The following NUP214 variants were observed in gnomAD, a reference collection of about 807,000 sequenced individuals.
NUP214 encodes the protein nuclear pore complex protein Nup214.
Under a neutral mutation model 196.2 loss-of-function variants are expected in NUP214, and 79 were observed. The ratio of observed to expected loss-of-function variants is 0.40; its 90% confidence interval spans 0.34 to 0.49. The LOEUF is 0.49. Ranked by LOEUF, NUP214 falls within the 20% of genes least tolerant of loss-of-function variation. The pLI, the probability that NUP214 is intolerant of heterozygous loss-of-function variation, is 0.58. For synonymous variants in NUP214, 1,020 were observed against 990.5 expected (o/e 1.03, Z -0.56); for missense variants, 2,468 against 2,539.0 (o/e 0.97, Z 0.60).
intron 24 of NUP214, among the ~76,000 whole-genome samples, chr9:131,186,283 A>G (rs1025100268): frequency 5.9e-5 from 9 of 152,232 alleles, no homozygotes; most frequent in Non-Finnish European, 1.3e-4. Flanking sequence ...GTTTTGTTTC[A>G]TTGAACATAA....
At chr9:131,215,695 A>G (rs976442817) in intron 31 of NUP214, among the ~76,000 whole-genome samples, 2 of 152,102 alleles carry the variant, frequency 1.3e-5, no homozygotes, top group African/African-American at 4.8e-5. Flanking sequence ...ACAAGCATAA[A>G]TGAGCAGCAG....
At chr9:131,229,499 G>T (rs1287504853) in intron 33 of NUP214, 3 of 342,356 alleles carry the variant, frequency 8.8e-6, no homozygotes, top group African/African-American at 4.4e-5. Context: ...CTTGTGAATT[G>T]ATTTATTTAT....
chr9:131,225,668 A>G (rs1834700301), intron 32 of NUP214, among the ~76,000 whole-genome samples: 1 of 152,102 alleles, frequency 6.6e-6, no homozygotes. Flanking sequence ...CAGAACTCGT[A>G]TTGGTTCTGG....
intron 32 of NUP214, among the ~76,000 whole-genome samples, chr9:131,226,384 G>T (rs1266405400): frequency 6.6e-6 from 1 of 151,786 alleles, no homozygotes; most frequent in Admixed American, 6.6e-5. Flanking sequence ...GTTTAATTTG[G>T]CTGTGACCCA....
chr9:131,131,052 T>C (rs1001705344), intron 5 of NUP214, among the ~76,000 whole-genome samples: 3 of 152,236 alleles, frequency 2.0e-5, no homozygotes, highest in African/African-American at 7.2e-5. Flanking sequence ...TTCCATACTT[T>C]TCTGGATGTT....
chr9:131,130,161 T>TTTTTTTTTTTTTTTTTTTTTTTTTTTTTG (rs1554728091), intron 4 of NUP214, among the ~76,000 whole-genome samples: 1 of 136,412 alleles, frequency 7.3e-6, no homozygotes, highest in Non-Finnish European at 1.6e-5. Flanking sequence ...GTTTTTTTTT[T>TTTTTTTTTTTTTTTTTTTTTTTTTTTTTG]GAGACAGAGT....
intron 4 of NUP214, among the ~76,000 whole-genome samples, chr9:131,130,161 T>TTTTTTTTTTTTTTTTTTTTTTG (rs1554728091): frequency 5.9e-5 from 8 of 136,412 alleles, no homozygotes; most frequent in Non-Finnish European, 1.1e-4. Flanking sequence ...GTTTTTTTTT[T>TTTTTTTTTTTTTTTTTTTTTTG]GAGACAGAGT....
At chr9:131,143,181 AT>A (rs1029277461) in intron 11 of NUP214, among the ~76,000 whole-genome samples, 1 of 151,332 alleles carries the variant, frequency 6.6e-6, no homozygotes, top group Non-Finnish European at 1.5e-5. Context: ...TGATTTTTGT[AT>A]TTTTTTTGTA....
chr9:131,190,222 A>G (rs1021233382), intron 26 of NUP214: 8 of 438,116 alleles, frequency 1.8e-5, no homozygotes, highest in African/African-American at 1.4e-4. Context: ...TAAAAGGAAA[A>G]TTATATAGTA....
chr9:131,168,289 T>C (rs990205207), intron 21 of NUP214, among the ~76,000 whole-genome samples: 2 of 152,238 alleles, frequency 1.3e-5, no homozygotes, highest in Non-Finnish European at 2.9e-5. Flanking sequence ...CCTCTATCTC[T>C]AGGTAATGAA....
At chr9:131,153,383 T>C (rs1832330906) in intron 17 of NUP214, 1 of 152,200 alleles carries the variant, frequency 6.6e-6, no homozygotes, top group Non-Finnish European at 1.5e-5. Context: ...TGGTTCCTTC[T>C]TCAAGATAGA....
chr9:131,208,629 A>G (rs1341910973), intron 30 of NUP214, among the ~76,000 whole-genome samples: 2 of 150,378 alleles, frequency 1.3e-5, no homozygotes, highest in South Asian at 2.1e-4. Context: ...CCCAGGAGGC[A>G]GAGCTTGCAG....
At chr9:131,126,916 C>T (rs1304252960) in intron 1 of NUP214, 4 of 152,124 alleles carry the variant, frequency 2.6e-5, no homozygotes, top group South Asian at 2.1e-4. Context: ...GTGTCATATT[C>T]CTCAGATATG....
At chr9:131,181,680 CTT>C (rs1296590898) in intron 24 of NUP214, among the ~76,000 whole-genome samples, 1 of 152,186 alleles carries the variant, frequency 6.6e-6, no homozygotes, top group South Asian at 2.1e-4. Flanking sequence ...ATTAGGTTGT[CTT>C]TTTATTTTTG....
intron 33 of NUP214, chr9:131,230,396 T>C: frequency 1.9e-6 from 1 of 526,420 alleles, no homozygotes; most frequent in Non-Finnish European, 3.4e-6. Flanking sequence ...ACTAAAACAC[T>C]GGCCAGGTTG....
chr9:131,198,477 C>G lies in NUP214; in HGVS notation c.4983C>G (p.Thr1661=). The part of the protein sequence containing the change: ...ASSSSAFNQL[T]NNTATAPSAT... ...CTAGCTCAGCTTTCAACCAGCTCAC[C>G]AACAACACAGCCACTGCCCCCTCTG... The change falls in exon 29 of 36, where the codon ACC becomes ACG. Residue 1661 remains threonine, a synonymous_variant. Transcript: ENST00000359428. The G allele has an allele frequency of 6.2e-7, 1 of 1,614,156 alleles. No homozygotes were observed. Among genetic ancestry groups the G allele is most frequent in the East Asian group, 2.2e-5 (1 of 44,832 alleles).
intron 17 of NUP214, 22 bp from the exon 18 acceptor site, chr9:131,159,359 TGC>T (rs1195096855): frequency 1.3e-6 from 2 of 1,565,838 alleles, no homozygotes; most frequent in Non-Finnish European, 1.8e-6. Context: ...ACAAGTTATT[TGC>T]CTTTTAATTT....
chr9:131,187,182 C>G, intron 24 of NUP214, 107 bp from the exon 25 acceptor site: 2 of 903,166 alleles, frequency 2.2e-6, no homozygotes, highest in Non-Finnish European at 3.6e-6. Flanking sequence ...CATCTGTATC[C>G]TACCCAAAAC....
chr9:131,176,886 G>A (rs894893037), intron 23 of NUP214, among the ~76,000 whole-genome samples: 31 of 150,910 alleles, frequency 2.1e-4, no homozygotes, highest in African/African-American at 7.7e-4. Context: ...CTCCACCCCT[G>A]AAACAGTTGG....
Sources: allele counts gnomAD v4.1 joint callset (sites outside exome capture counted in the v4.1 genomes callset), GRCh38; gene constraint gnomAD v4.1.1; transcripts MANE v1.5; gene names NCBI Gene and HGNC (gene_info 2026-07-23, HGNC 2026-07-21).